Variants in SH3KBP1 observed in about 807,000 individuals in gnomAD.
SH3KBP1 encodes the protein SH3 domain-containing kinase-binding protein 1.
A neutral mutation model predicts 50.1 loss-of-function variants in SH3KBP1; 8 were observed. That is an observed-to-expected ratio of 0.16 (90% CI 0.09 to 0.29). The LOEUF (loss-of-function observed/expected upper bound fraction) is 0.29, where lower values mean the gene tolerates loss of function less well. SH3KBP1 is among the 10% of genes least tolerant of loss of function. The pLI is 1.00. For synonymous variants in SH3KBP1, 227 were observed against 218.6 expected (o/e 1.04, Z -0.34); for missense variants, 377 against 535.2 (o/e 0.70, Z 2.92).
At chrX:19,657,229 A>C (rs1414933837) in intron 6 of SH3KBP1, among the ~76,000 whole-genome samples, 1 of 109,633 alleles carries the variant, frequency 9.1e-6, no homozygotes, top group Non-Finnish European at 1.9e-5. Flanking sequence ...AATTCCAAAA[A>C]ATTTAGCTGG....
chrX:19,634,034 GT>G (rs2061639923), intron 7 of SH3KBP1, among the ~76,000 whole-genome samples: 3 of 6,109 alleles, frequency 4.9e-4, no homozygotes, highest in East Asian at 9.8e-3. Context: ...GTTCCCTGGT[GT>G]GTGTGTGTGT....
At chrX:19,818,240 A>G (rs919026211) in intron 2 of SH3KBP1, among the ~76,000 whole-genome samples, 4 of 112,154 alleles carry the variant, frequency 3.6e-5, no homozygotes, top group Middle Eastern at 4.6e-3. Context: ...CCATATGTTC[A>G]TTGCTAGTAT....
At chrX:19,770,878 C>T (rs758602548) in intron 2 of SH3KBP1, among the ~76,000 whole-genome samples, 6 of 111,358 alleles carry the variant, frequency 5.4e-5, no homozygotes, top group Non-Finnish European at 1.1e-4. Context: ...GTCCTTTGCC[C>T]ACTTTTTAAT....
At chrX:19,808,165 C>T (rs2067105794) in intron 2 of SH3KBP1, among the ~76,000 whole-genome samples, 1 of 110,711 alleles carries the variant, frequency 9.0e-6, no homozygotes, top group Middle Eastern at 4.2e-3. Context: ...GGAAGAAGGG[C>T]AGTTCTCTAA....
chrX:19,611,124 G>A, intron 8 of SH3KBP1, among the ~76,000 whole-genome samples: 1 of 110,874 alleles, frequency 9.0e-6, no homozygotes, highest in African/African-American at 3.3e-5. Flanking sequence ...GGGCTCAAGG[G>A]ATCCATCTGC....
In SH3KBP1 at chrX:19,534,873, A is replaced by T; in HGVS notation, c.*1544T>A. The T allele has an allele frequency of 3.4e-6, 1 of 297,674 alleles. No homozygotes were observed. Among genetic ancestry groups the T allele is most frequent in the Non-Finnish European group, 5.9e-6 (1 of 170,379 alleles). The allele number at this position is 297,674 out of a possible 1,213,427, so 24.5% of individuals were successfully genotyped here. A position where few individuals can be genotyped will look rare whatever the true frequency, so the allele number is the denominator to read the frequency against. Reference sequence around the variant, plus strand: ...AAGGGAGGAAGAGAAAGGAAGAGACATTTATTTGTAATACTATCAATGATC... The same window carrying T: ...AAGGGAGGAAGAGAAAGGAAGAGACTTTTATTTGTAATACTATCAATGATC... On this transcript the variant is annotated 3_prime_UTR_variant, in exon 18 of 18. Transcript: ENST00000397821.
intron 2 of SH3KBP1, among the ~76,000 whole-genome samples, chrX:19,750,302 C>T (rs761577310): frequency 4.5e-5 from 5 of 111,720 alleles, no homozygotes; most frequent in African/African-American, 6.5e-5. Context: ...TCAAGTAATC[C>T]GCCCACCTTG....
At chrX:19,872,099 A>G (rs2069058865) in intron 1 of SH3KBP1, among the ~76,000 whole-genome samples, 1 of 108,381 alleles carries the variant, frequency 9.2e-6, no homozygotes, top group African/African-American at 3.4e-5. Flanking sequence ...TAAAAATACA[A>G]TAATTAGCCG....
chrX:19,641,433 T>C (rs2061853989), intron 7 of SH3KBP1, among the ~76,000 whole-genome samples: 1 of 112,731 alleles, frequency 8.9e-6, no homozygotes, highest in Admixed American at 9.4e-5. Context: ...ATATGTGGTT[T>C]CCATATACAA....
chrX:19,614,518 T>A (rs2067544805), intron 8 of SH3KBP1, among the ~76,000 whole-genome samples: 1 of 111,855 alleles, frequency 8.9e-6, no homozygotes, highest in Non-Finnish European at 1.9e-5. Context: ...CCTGGGAATT[T>A]AAAAGAAAAT....
At chrX:19,826,513 C>G (rs1027512819) in intron 2 of SH3KBP1, among the ~76,000 whole-genome samples, 1 of 108,847 alleles carries the variant, frequency 9.2e-6, no homozygotes, top group Non-Finnish European at 1.9e-5. Flanking sequence ...ACCCCCATCT[C>G]TACAAAAAAT....
chrX:19,771,269 T>G (rs1053839838), intron 2 of SH3KBP1, among the ~76,000 whole-genome samples: 2 of 112,602 alleles, frequency 1.8e-5, no homozygotes, highest in Admixed American at 9.4e-5. Context: ...ATTTTTTCTT[T>G]ATAAGAAAAT....
At chrX:19,583,996 TAAC>T (rs57004226) in intron 12 of SH3KBP1, among the ~76,000 whole-genome samples, 1,887 of 95,384 alleles carry the variant, frequency 0.02, 59 homozygotes, top group African/African-American at 0.069. Context: ...ATATTTATAT[TAAC>T]AATATATAAA....
intron 5 of SH3KBP1, among the ~76,000 whole-genome samples, chrX:19,693,657 T>G (rs1043892538): frequency 1.5e-4 from 17 of 111,714 alleles, no homozygotes; most frequent in African/African-American, 5.2e-4. Context: ...GACATAATGC[T>G]AAATGGGAAG....
chrX:19,837,527 G>GGC (rs1299309017), intron 1 of SH3KBP1, among the ~76,000 whole-genome samples: 1 of 94,488 alleles, frequency 1.1e-5, no homozygotes, highest in Non-Finnish European at 2.0e-5. Flanking sequence ...GGACTGCAGT[G>GGC]GCGCAATCTC....
intron 13 of SH3KBP1, among the ~76,000 whole-genome samples, chrX:19,559,412 C>T (rs950001287): frequency 1.9e-5 from 2 of 103,091 alleles, no homozygotes; most frequent in Admixed American, 2.1e-4. Flanking sequence ...CTGCAACCTC[C>T]GCCTCCCGGG....
chrX:19,616,322 A>G (rs73193551), intron 8 of SH3KBP1, among the ~76,000 whole-genome samples: 2,815 of 111,797 alleles, frequency 0.025, 35 homozygotes, highest in Non-Finnish European at 0.041. Flanking sequence ...ACTACTTACA[A>G]AAAATCCTGG....
intron 8 of SH3KBP1, among the ~76,000 whole-genome samples, chrX:19,623,470 G>A (rs1415856805): frequency 4.5e-5 from 5 of 112,048 alleles, no homozygotes; most frequent in East Asian, 2.8e-4. Context: ...CGGATCACCC[G>A]AGGTCAGGAG....
intron 2 of SH3KBP1, among the ~76,000 whole-genome samples, chrX:19,760,041 C>CCTCTCTCTCTCTCTCTCT (rs745515349): frequency 8.7e-4 from 44 of 50,354 alleles, no homozygotes; most frequent in Non-Finnish European, 1.2e-3. Context: ...TCTCTCTCTC[C>CCTCTCTCTCTCTCTCTCT]CTCTCTCTCT....
Sources: gnomAD v4.1 joint callset for allele counts (sites outside exome capture counted in the v4.1 genomes callset) on GRCh38, gnomAD v4.1.1 for gene constraint, MANE v1.5 for transcripts, NCBI Gene and HGNC (gene_info 2026-07-23, HGNC 2026-07-21) for gene names.